The following GNAT3 variants were observed in gnomAD, a reference collection of about 807,000 sequenced individuals.
GNAT3 encodes guanine nucleotide-binding protein G(t) subunit alpha-3.
Under a neutral mutation model 37.7 loss-of-function variants are expected in GNAT3, and 31 were observed. The ratio of observed to expected loss-of-function variants is 0.82; its 90% CI spans 0.62 to 1.11. The LOEUF (loss-of-function observed/expected upper bound fraction) is 1.11. Among genes scored for constraint, GNAT3 ranks in the 50% most tolerant of loss-of-function variants. GNAT3 has a pLI of 0.00. For synonymous variants in GNAT3, 138 were observed against 139.8 expected (o/e 0.99, Z 0.09); for missense variants, 437 against 412.5 (o/e 1.06, Z -0.51).
intron 1 of GNAT3, among the ~76,000 whole-genome samples, chr7:80,511,412 C>G (rs1029464704): frequency 1.3e-5 from 2 of 152,022 alleles, no homozygotes; most frequent in African/African-American, 4.8e-5. Context: ...AACAATTCAA[C>G]CTATTTCTGT....
At chr7:80,496,124 A>C (rs1459646214) in intron 1 of GNAT3, among the ~76,000 whole-genome samples, 1 of 152,040 alleles carries the variant, frequency 6.6e-6, no homozygotes, top group Non-Finnish European at 1.5e-5. Context: ...TGCCTAGGCC[A>C]ATATCCAGAA....
chr7:80,496,322 G>A (rs1326361035), intron 1 of GNAT3, among the ~76,000 whole-genome samples: 1 of 152,012 alleles, frequency 6.6e-6, no homozygotes, highest in Non-Finnish European at 1.5e-5. Context: ...GTAGAGACAG[G>A]GTTTCACCAT....
rs1326265726 is a variant in GNAT3 at position 80,512,011 on chromosome 7, A to G, written c.-85T>C. 2.3e-6 allele frequency: 2 copies of G among 863,550 alleles called. No homozygotes were observed. The highest frequency in any genetic ancestry group is 3.8e-6 in the Non-Finnish European group (2 of 530,760). 53.5% of individuals were successfully genotyped at this position (863,550 alleles called of 1,614,324 possible). ...CTGTGGTTTGGACATAGGAGGCAAG[A>G]GTAATGCTCTGCTGAAGTACCTAGC... On this transcript the variant is annotated 5_prime_UTR_variant, in exon 1 of 8. Transcript: ENST00000398291.
In GNAT3 at chr7:80,462,261, A is replaced by G; in HGVS notation, c.772T>C (p.Tyr258His). ...AGGACAATGGAGGTTGTTGAAAAAT[A>G]CTTGTGATTACAGATACTGTTGAAC... ...HLFNSICNHKYFSTTSIVLFL... is the reference protein window; with the variant it reads ...HLFNSICNHKHFSTTSIVLFL... The change falls in exon 7 of 8, where the codon TAT becomes CAT. Residue 258 changes from tyrosine (Y) to histidine (H), a missense_variant. Coordinates refer to ENST00000398291, the MANE Select transcript of GNAT3 (RefSeq NM_001102386.3). 1 of 1,612,694 alleles carries G rather than the reference A, an allele frequency of 6.2e-7. No homozygotes were observed. The highest frequency in any genetic ancestry group is 8.5e-7 in the Non-Finnish European group (1 of 1,178,954).
chr7:80,485,871 A>G (rs551343807), intron 3 of GNAT3, among the ~76,000 whole-genome samples: 2 of 152,296 alleles, frequency 1.3e-5, no homozygotes, highest in African/African-American at 4.8e-5. Context: ...GGAAAGCCAT[A>G]ACATTCTGTG....
intron 5 of GNAT3, among the ~76,000 whole-genome samples, chr7:80,472,502 G>A (rs1472743449): frequency 6.6e-6 from 1 of 152,144 alleles, no homozygotes; most frequent in Non-Finnish European, 1.5e-5. Context: ...TGCAGATTCA[G>A]GGGCAGAGCA....
At chr7:80,469,602 A>C (rs1287021659) in intron 5 of GNAT3, among the ~76,000 whole-genome samples, 1 of 152,124 alleles carries the variant, frequency 6.6e-6, no homozygotes, top group African/African-American at 2.4e-5. Context: ...ATAATTTTTC[A>C]TTTTGGTGTT....
intron 1 of GNAT3, among the ~76,000 whole-genome samples, chr7:80,510,282 T>C (rs1221980600): frequency 1.3e-5 from 2 of 152,134 alleles, no homozygotes; most frequent in Admixed American, 6.6e-5. Flanking sequence ...TTAGTCTAAA[T>C]TGTGGTATTA....
rs532716079 is a variant in GNAT3, at chr7:80,507,579, G to T, written c.118+4230C>A. Among the ~76,000 whole-genome samples, 8 of 151,982 alleles carry T rather than the reference G, an allele frequency of 5.3e-5. No homozygotes were observed. The South Asian group carries it at 1.0e-3, about 20-fold the overall frequency. The stretch of plus-strand genomic sequence containing the variant: ...TCCATTATTTCTCTGAGTTTATGTG[G>T]CTAGCCTAAGGTCACTCTGGGAAGT... On this transcript the variant is annotated intron_variant, in intron 1 of 7. Transcript: ENST00000398291.
chr7:80,502,571 G>C (rs1475259565), intron 1 of GNAT3, among the ~76,000 whole-genome samples: 1 of 151,926 alleles, frequency 6.6e-6, no homozygotes, highest in Admixed American at 6.6e-5. Context: ...TGCCTATACT[G>C]ATATCTGGAC....
intron 5 of GNAT3, 140 bp downstream of exon 5, chr7:80,474,111 C>T (rs1033443175): frequency 3.0e-5 from 22 of 723,080 alleles, no homozygotes; most frequent in East Asian, 2.9e-4. Flanking sequence ...TAAAGGACAG[C>T]GGTACTGAAG....
At chr7:80,482,053 G>A (rs760632061) in intron 3 of GNAT3, among the ~76,000 whole-genome samples, 2 of 152,072 alleles carry the variant, frequency 1.3e-5, no homozygotes, top group African/African-American at 4.8e-5. Flanking sequence ...ACTACCTTGG[G>A]CATATGTTCT....
chr7:80,467,265 GTC>G (rs1269325830), intron 5 of GNAT3, among the ~76,000 whole-genome samples: 1 of 152,102 alleles, frequency 6.6e-6, no homozygotes, highest in African/African-American at 2.4e-5. Flanking sequence ...GATTCTGAAA[GTC>G]TCTCTTAGGT....
intron 2 of GNAT3, 134 bp downstream of exon 2, chr7:80,494,471 G>A (rs546068417): frequency 1.8e-6 from 1 of 555,688 alleles, no homozygotes; most frequent in African/African-American, 1.9e-5. Context: ...ATTTGCACAG[G>A]AACTATGACC....
intron 2 of GNAT3, among the ~76,000 whole-genome samples, chr7:80,490,460 G>T (rs1790570636): frequency 6.6e-6 from 1 of 152,104 alleles, no homozygotes; most frequent in African/African-American, 2.4e-5. Flanking sequence ...ATAGTAAGAT[G>T]CTATAGAAAA....
intron 1 of GNAT3, among the ~76,000 whole-genome samples, chr7:80,503,607 G>C (rs1790877037): frequency 6.6e-6 from 1 of 152,136 alleles, no homozygotes; most frequent in Admixed American, 6.5e-5. Flanking sequence ...TTGACTTTTG[G>C]ACAATGGAGA....
chr7:80,508,314 C>G (rs983342763), intron 1 of GNAT3, among the ~76,000 whole-genome samples: 14 of 151,362 alleles, frequency 9.2e-5, no homozygotes, highest in Admixed American at 4.0e-4. Flanking sequence ...TAAACTCAAA[C>G]TGAAATTTGA....
chr7:80,497,519 C>A (rs1654953083), intron 1 of GNAT3, among the ~76,000 whole-genome samples: 1 of 150,790 alleles, frequency 6.6e-6, no homozygotes, highest in African/African-American at 2.4e-5. Flanking sequence ...ATCAGAATAT[C>A]TTGTTTCTCT....
intron 3 of GNAT3, among the ~76,000 whole-genome samples, chr7:80,482,467 TTTTC>T (rs1016478118): frequency 1.3e-5 from 2 of 151,938 alleles, no homozygotes; most frequent in Admixed American, 6.6e-5. Flanking sequence ...TTCTTTCTTA[TTTTC>T]TTTTTCTTTT....
Sources: allele counts gnomAD v4.1 joint callset (sites outside exome capture counted in the v4.1 genomes callset), GRCh38; gene constraint gnomAD v4.1.1; transcripts MANE v1.5; gene names NCBI Gene and HGNC (gene_info 2026-07-23, HGNC 2026-07-21).